RABGAP1L: variants seen among roughly 807,000 people sequenced by gnomAD.
RABGAP1L encodes the protein rab GTPase-activating protein 1-like.
A neutral mutation model predicts 137.7 loss-of-function variants in RABGAP1L; 63 were observed. The ratio of observed to expected loss-of-function variants is 0.46; its 90% CI spans 0.37 to 0.56. The LOEUF (loss-of-function observed/expected upper bound fraction) is 0.56. Ranked by LOEUF, RABGAP1L falls within the 20% of genes least tolerant of loss-of-function variation. RABGAP1L has a pLI of 0.00. For missense variants in RABGAP1L, 1,095 were observed against 1,244.0 expected, an observed-to-expected ratio of 0.88 and a Z score of 1.80; for synonymous variants, 431 against 433.7, an observed-to-expected ratio of 0.99 and a Z score of 0.08.
Position 174,366,631 on chromosome 1 carries a change from C to T in RABGAP1L, c.1466-4348C>T, listed in dbSNP as rs554299959. On this transcript the variant is annotated intron_variant, in intron 11 of 25. Coordinates refer to ENST00000681986, the MANE Select transcript of RABGAP1L (RefSeq NM_001366446.1). ...CTAAAAATATAAAAAAAAAATTAGC[C>T]GGGTTTGGTGGCGGGCCCCTGTAGT... Among the ~76,000 whole-genome samples the T allele has an allele frequency of 3.3e-5, 5 of 151,862 alleles. No homozygotes were observed. The East Asian group carries it at 5.8e-4, about 18-fold the overall frequency.
chr1:174,636,332 A>G (rs1188129362), intron 13 of RABGAP1L, among the ~76,000 whole-genome samples: 1 of 152,050 alleles, frequency 6.6e-6, no homozygotes, highest in Non-Finnish European at 1.5e-5. Flanking sequence ...GCCTGTTCCA[A>G]CACAGTGAAA....
chr1:174,574,423 C>T (rs1668212779), intron 13 of RABGAP1L, among the ~76,000 whole-genome samples: 1 of 152,012 alleles, frequency 6.6e-6, no homozygotes, highest in Non-Finnish European at 1.5e-5. Flanking sequence ...ATCTTGTTCT[C>T]AATGAAAGTC....
intron 9 of RABGAP1L, among the ~76,000 whole-genome samples, chr1:174,277,269 A>G (rs528815438): frequency 2.0e-3 from 297 of 152,096 alleles, no homozygotes; most frequent in Admixed American, 2.4e-3. Context: ...TTAGACCCAC[A>G]ATTTGTTATT....
At chr1:174,432,572 A>G (rs1315779254) in intron 13 of RABGAP1L, among the ~76,000 whole-genome samples, 1 of 151,986 alleles carries the variant, frequency 6.6e-6, no homozygotes, top group African/African-American at 2.4e-5. Context: ...GGAGTCTCTC[A>G]CTGTCACCAG....
chr1:174,481,949 C>G (rs2149332535), intron 13 of RABGAP1L, among the ~76,000 whole-genome samples: 1 of 149,346 alleles, frequency 6.7e-6, no homozygotes, highest in Admixed American at 6.6e-5. Flanking sequence ...AGGGCAAAGT[C>G]AAATTAAGTT....
chr1:174,683,313 G>A (rs947538989), intron 14 of RABGAP1L, among the ~76,000 whole-genome samples: 12 of 151,754 alleles, frequency 7.9e-5, no homozygotes, highest in African/African-American at 2.9e-4. Flanking sequence ...GATGAACCTG[G>A]GATAAAGGGA....
At chr1:174,924,709 C>G (rs756121008) in intron 19 of RABGAP1L, among the ~76,000 whole-genome samples, 1 of 152,056 alleles carries the variant, frequency 6.6e-6, no homozygotes, top group Admixed American at 6.6e-5. Flanking sequence ...TCAACGGGCA[C>G]GATGGTGGCA....
At chr1:174,674,498 T>G (rs1677441906) in intron 14 of RABGAP1L, among the ~76,000 whole-genome samples, 1 of 151,152 alleles carries the variant, frequency 6.6e-6, no homozygotes, top group South Asian at 2.1e-4. Flanking sequence ...TATTGGACAT[T>G]TGGGTTGGTT....
At chr1:174,452,264 T>G (rs1655532190) in intron 13 of RABGAP1L, among the ~76,000 whole-genome samples, 1 of 152,178 alleles carries the variant, frequency 6.6e-6, no homozygotes, top group South Asian at 2.1e-4. Flanking sequence ...GTTCTATTAT[T>G]TGCATAGTTG....
At chr1:174,476,843 G>A (rs1431642528) in intron 13 of RABGAP1L, among the ~76,000 whole-genome samples, 1 of 152,220 alleles carries the variant, frequency 6.6e-6, no homozygotes, top group Non-Finnish European at 1.5e-5. Flanking sequence ...ATGTGCAGAA[G>A]CATTTCCTTG....
intron 14 of RABGAP1L, among the ~76,000 whole-genome samples, chr1:174,670,706 C>T (rs1488072328): frequency 6.6e-6 from 1 of 152,102 alleles, no homozygotes; most frequent in Non-Finnish European, 1.5e-5. Flanking sequence ...CCAGTTCCAT[C>T]CATGTTGTTG....
At chr1:174,325,210 T>G (rs1680331861) in intron 11 of RABGAP1L, among the ~76,000 whole-genome samples, 1 of 152,184 alleles carries the variant, frequency 6.6e-6, no homozygotes, top group African/African-American at 2.4e-5. Flanking sequence ...TGCTTAGAGT[T>G]TTTTCAACAA....
intron 13 of RABGAP1L, among the ~76,000 whole-genome samples, chr1:174,431,870 A>T (rs1571773343): frequency 6.6e-6 from 1 of 152,224 alleles, no homozygotes. Flanking sequence ...TAGATAATAC[A>T]TCTTTTAAGA....
At chr1:174,946,900 CAAAAAAAA>C (rs1177949233) in intron 19 of RABGAP1L, among the ~76,000 whole-genome samples, 1 of 21,382 alleles carries the variant, frequency 4.7e-5, no homozygotes, top group African/African-American at 3.0e-4. Flanking sequence ...GACTCCATCT[CAAAAAAAA>C]AAAAAAAAAA....
intron 21 of RABGAP1L, among the ~76,000 whole-genome samples, chr1:174,970,023 A>G (rs777374216): frequency 1.2e-4 from 18 of 152,242 alleles, no homozygotes; most frequent in Admixed American, 4.6e-4. Context: ...AGCTGGCACT[A>G]AAGGGAATTC....
intron 19 of RABGAP1L, among the ~76,000 whole-genome samples, chr1:174,852,974 AGTTT>A (rs1322704379): frequency 6.6e-6 from 1 of 152,104 alleles, no homozygotes; most frequent in East Asian, 1.9e-4. Context: ...TTTTAGCAGA[AGTTT>A]GTTATTTATC....
chr1:174,480,981 G>A (rs1444556865), intron 13 of RABGAP1L, among the ~76,000 whole-genome samples: 1 of 152,170 alleles, frequency 6.6e-6, no homozygotes, highest in Non-Finnish European at 1.5e-5. Flanking sequence ...AATTTTTAAA[G>A]TAGACCTAAA....
intron 13 of RABGAP1L, among the ~76,000 whole-genome samples, chr1:174,565,242 T>G (rs1667492367): frequency 6.6e-6 from 1 of 152,196 alleles, no homozygotes; most frequent in African/African-American, 2.4e-5. Context: ...AATTTTATTC[T>G]AATCTAACAG....
intron 13 of RABGAP1L, among the ~76,000 whole-genome samples, chr1:174,536,471 G>A (rs1426731445): frequency 6.6e-6 from 1 of 152,000 alleles, no homozygotes; most frequent in Non-Finnish European, 1.5e-5. Flanking sequence ...AACTGAGAAT[G>A]ATAAATTAAG....
Sources: allele counts gnomAD v4.1 joint callset (sites outside exome capture counted in the v4.1 genomes callset), GRCh38; gene constraint gnomAD v4.1.1; transcripts MANE v1.5; gene names NCBI Gene and HGNC (gene_info 2026-07-23, HGNC 2026-07-21).